FAM135B: variants seen among roughly 807,000 people sequenced by gnomAD.
The protein encoded by FAM135B is protein FAM135B.
A neutral mutation model predicts 127.7 loss-of-function variants in FAM135B; 43 were observed. The observed-to-expected ratio is 0.34, with a 90% CI of 0.26 to 0.43. The LOEUF is 0.43. Among genes scored for constraint, FAM135B ranks in the 20% least tolerant of loss-of-function variants. The pLI is 1.00. For missense variants in FAM135B, 1,558 were observed against 1,725.6 expected (o/e 0.90, Z 1.72); for synonymous variants, 670 against 665.1 (o/e 1.01, Z -0.11).
intron 3 of FAM135B, among the ~76,000 whole-genome samples, chr8:138,293,555 G>GA (rs142956075): frequency 2.6e-5 from 4 of 151,524 alleles, no homozygotes; most frequent in South Asian, 2.1e-4. Context: ...AAATTAGTGA[G>GA]AAAAAAAATC....
chr8:138,280,207 T>C (rs1385956863), intron 3 of FAM135B, among the ~76,000 whole-genome samples: 1 of 152,174 alleles, frequency 6.6e-6, no homozygotes, highest in Non-Finnish European at 1.5e-5. Flanking sequence ...CTTGACTCCT[T>C]GTGTCTGAGA....
intron 2 of FAM135B, among the ~76,000 whole-genome samples, chr8:138,362,142 T>A (rs1051611823): frequency 6.6e-6 from 1 of 152,094 alleles, no homozygotes; most frequent in Non-Finnish European, 1.5e-5. Flanking sequence ...AATCACCCTC[T>A]TTTAGCTATT....
chr8:138,432,966 CA>C (rs1050402697), intron 1 of FAM135B, among the ~76,000 whole-genome samples: 14 of 152,176 alleles, frequency 9.2e-5, no homozygotes, highest in African/African-American at 3.4e-4. Context: ...ATTGTCCATC[CA>C]AAATCTGTTC....
At chr8:138,140,630 T>G (rs777078993) in intron 17 of FAM135B, among the ~76,000 whole-genome samples, 9 of 137,000 alleles carry the variant, frequency 6.6e-5, no homozygotes, top group Non-Finnish European at 1.6e-5. Flanking sequence ...CCCTGTGTAA[T>G]CTTCAACAAT....
intron 1 of FAM135B, among the ~76,000 whole-genome samples, chr8:138,456,063 T>C (rs897164849): frequency 3.3e-5 from 5 of 152,226 alleles, no homozygotes; most frequent in Admixed American, 3.3e-4. Flanking sequence ...CAGCACATAG[T>C]AGGTGGTCAG....
chr8:138,266,583 ATG>A (rs922144041), intron 3 of FAM135B, among the ~76,000 whole-genome samples: 3 of 147,888 alleles, frequency 2.0e-5, no homozygotes, highest in East Asian at 2.0e-4. Flanking sequence ...TAAAAAATAT[ATG>A]TGTGTGTATA....
At chr8:138,208,988 AGTT>A (rs1817929327) in intron 7 of FAM135B, among the ~76,000 whole-genome samples, 1 of 152,200 alleles carries the variant, frequency 6.6e-6, no homozygotes, top group African/African-American at 2.4e-5. Context: ...TGAATACATA[AGTT>A]GTTGTTATTA....
intron 7 of FAM135B, among the ~76,000 whole-genome samples, chr8:138,203,158 C>T (rs1817277610): frequency 6.6e-6 from 1 of 152,126 alleles, no homozygotes; most frequent in Non-Finnish European, 1.5e-5. Context: ...AGCTTGTTAT[C>T]AACTCTTTCC....
At chr8:138,218,758 C>CAT (rs1818769752) in intron 7 of FAM135B, among the ~76,000 whole-genome samples, 2 of 55,548 alleles carry the variant, frequency 3.6e-5, no homozygotes, top group African/African-American at 1.2e-4. Context: ...TACACGCACA[C>CAT]ACACACACAG....
Position 138,435,237 on chromosome 8 carries a change from C to T in FAM135B, c.-20+61434G>A, listed in dbSNP as rs989176728. Among the ~76,000 whole-genome samples, 5 of 152,144 alleles carry T rather than the reference C, an allele frequency of 3.3e-5. No homozygotes were observed. In the South Asian group the frequency reaches 8.3e-4, roughly 25 times the overall value. On this transcript the variant is annotated intron_variant, in intron 1 of 19. Coordinates refer to ENST00000395297, the MANE Select transcript of FAM135B (RefSeq NM_015912.4). ...ACTTGAACCCGGGAGGCAGAGGTTG[C>T]AGTGAGCCAAGATAGCTCCATTGCA...
chr8:138,169,044 C>G lies in FAM135B; in HGVS notation c.1104-995G>C, dbSNP rs554230079. Among the ~76,000 whole-genome samples, 5 of 152,200 alleles carry G rather than the reference C, an allele frequency of 3.3e-5. No individual in the cohort carries two copies. The East Asian group carries it at 9.7e-4, about 29-fold the overall frequency. ...ACTCAAAGCAAATTCTCAAACTCAG[C>G]ATTCTCAGTAACAGATGCAATGAAG... On this transcript the variant is annotated intron_variant, in intron 11 of 19. Transcript: ENST00000395297.
chr8:138,344,981 C>T (rs1242898475), intron 2 of FAM135B, among the ~76,000 whole-genome samples: 2 of 152,156 alleles, frequency 1.3e-5, no homozygotes, highest in Non-Finnish European at 2.9e-5. Context: ...TGTTCTCCCA[C>T]GGGACTGATG....
chr8:138,464,434 A>C (rs1055998660), intron 1 of FAM135B, among the ~76,000 whole-genome samples: 6 of 152,172 alleles, frequency 3.9e-5, no homozygotes, highest in African/African-American at 1.4e-4. Context: ...CCAAGAGAGA[A>C]AAACAATACC....
intron 2 of FAM135B, among the ~76,000 whole-genome samples, chr8:138,314,221 T>C (rs1160298055): frequency 6.6e-6 from 1 of 152,096 alleles, no homozygotes; most frequent in Non-Finnish European, 1.5e-5. Context: ...CAGAAACACA[T>C]AAAACAAGAT....
intron 7 of FAM135B, among the ~76,000 whole-genome samples, chr8:138,218,254 A>T (rs1209403263): frequency 6.6e-6 from 1 of 152,238 alleles, no homozygotes; most frequent in Non-Finnish European, 1.5e-5. Flanking sequence ...TTAAAGCTCT[A>T]CTAAAAATAG....
intron 1 of FAM135B, chr8:138,436,968 T>C (rs1835491359): frequency 6.6e-6 from 1 of 152,206 alleles, no homozygotes; most frequent in Non-Finnish European, 1.5e-5. Context: ...TGCAGATCAA[T>C]ACTGATAAAC....
intron 1 of FAM135B, among the ~76,000 whole-genome samples, chr8:138,397,003 T>C (rs1244618720): frequency 6.6e-6 from 1 of 152,146 alleles, no homozygotes; most frequent in African/African-American, 2.4e-5. Flanking sequence ...GACTAATTTG[T>C]CCAACACCAC....
chr8:138,292,427 T>C (rs1423198443), intron 3 of FAM135B, among the ~76,000 whole-genome samples: 1 of 152,002 alleles, frequency 6.6e-6, no homozygotes, highest in Admixed American at 6.6e-5. Context: ...AAACTTCATA[T>C]GACACCACAA....
intron 12 of FAM135B, among the ~76,000 whole-genome samples, chr8:138,163,227 G>A (rs972532598): frequency 6.6e-6 from 1 of 152,108 alleles, no homozygotes; most frequent in African/African-American, 2.4e-5. Flanking sequence ...ATTTCACACG[G>A]TTAATAATTG....
Sources: gnomAD v4.1 joint callset for allele counts (sites outside exome capture counted in the v4.1 genomes callset) on GRCh38, gnomAD v4.1.1 for gene constraint, MANE v1.5 for transcripts, NCBI Gene and HGNC (gene_info 2026-07-23, HGNC 2026-07-21) for gene names.